Variants in NBEA observed in about 807,000 individuals in gnomAD.
The protein encoded by NBEA is lysosomal-trafficking regulator 2.
Under a neutral mutation model 343.4 loss-of-function variants are expected in NBEA, and 44 were observed. The ratio of observed to expected loss-of-function variants is 0.13; its 90% CI spans 0.10 to 0.16. The LOEUF (loss-of-function observed/expected upper bound fraction) is 0.16, where lower values mean the gene tolerates loss of function less well. Ranked by LOEUF, NBEA falls within the 10% of genes least tolerant of loss-of-function variation. The pLI, the probability that NBEA is intolerant of heterozygous loss-of-function variation, is 1.00. For synonymous variants in NBEA, 1,175 were observed against 1,238.7 expected (o/e 0.95, Z 1.08); for missense variants, 2,555 against 3,631.3 (o/e 0.70, Z 7.62).
intron 41 of NBEA, among the ~76,000 whole-genome samples, chr13:35,511,664 A>C (rs2077280656): frequency 1.3e-5 from 2 of 152,184 alleles, no homozygotes; most frequent in South Asian, 4.1e-4. Flanking sequence ...AGTCAAATAT[A>C]CTGCTATTAG....
rs539762465 is a variant in NBEA at position 35,099,079 on chromosome 13, G to A, written c.1680+674G>A. ...CTCACTCTGTCTCCCACAGTGGAGTGCAGTGGCATGATCTTGGCTCACTGC... is the reference window on the plus strand; with the variant it reads ...CTCACTCTGTCTCCCACAGTGGAGTACAGTGGCATGATCTTGGCTCACTGC... On this transcript the variant is annotated intron_variant, in intron 11 of 58. Coordinates refer to ENST00000379939, the MANE Select transcript of NBEA (RefSeq NM_001385012.1). Among the ~76,000 whole-genome samples, 6 of 146,748 alleles carry A rather than the reference G, an allele frequency of 4.1e-5. No homozygotes were observed. The South Asian group carries it at 1.3e-3, about 32-fold the overall frequency.
intron 1 of NBEA, among the ~76,000 whole-genome samples, chr13:34,992,238 G>GTGTATATATATATA (rs775136249): frequency 1.6e-5 from 2 of 122,146 alleles, no homozygotes; most frequent in Non-Finnish European, 3.3e-5. Flanking sequence ...GTGTGTGTGT[G>GTGTATATATATATA]TATATATATA....
chr13:35,172,816 G>A (rs969542677), intron 26 of NBEA, among the ~76,000 whole-genome samples: 1 of 152,000 alleles, frequency 6.6e-6, no homozygotes, highest in African/African-American at 2.4e-5. Context: ...CTCCAAACTG[G>A]AAAATACAGG....
intron 45 of NBEA, among the ~76,000 whole-genome samples, chr13:35,579,398 T>C (rs1200274222): frequency 6.6e-6 from 1 of 152,128 alleles, no homozygotes; most frequent in Non-Finnish European, 1.5e-5. Context: ...TTTGTGGTCA[T>C]TTTTACTTAC....
chr13:35,074,508 C>G (rs2152582305), intron 10 of NBEA, among the ~76,000 whole-genome samples: 1 of 152,168 alleles, frequency 6.6e-6, no homozygotes, highest in African/African-American at 2.4e-5. Context: ...AGAATAGTTT[C>G]ATTAGAAACC....
rs960907943 is a variant in NBEA at position 35,508,406 on chromosome 13, G to A, written c.6585+35870G>A. On this transcript the variant is annotated intron_variant, in intron 41 of 58. Transcript: ENST00000379939. Reference sequence around the variant, plus strand: ...AGGTACTATTAAGGTATTTCAAGCAGATTTACTTTTCTAATTAATGATTAC... The same window carrying A: ...AGGTACTATTAAGGTATTTCAAGCAAATTTACTTTTCTAATTAATGATTAC... Among the ~76,000 whole-genome samples, 3 of 152,150 alleles carry A rather than the reference G, an allele frequency of 2.0e-5. No homozygotes were observed. The South Asian group carries it at 6.2e-4, about 31-fold the overall frequency.
At chr13:35,481,993 T>C (rs2076137195) in intron 41 of NBEA, among the ~76,000 whole-genome samples, 1 of 151,848 alleles carries the variant, frequency 6.6e-6, no homozygotes, top group African/African-American at 2.4e-5. Flanking sequence ...TGTTTCATAC[T>C]GTATGTGATT....
chr13:35,584,673 TA>T (rs2081210559), intron 46 of NBEA, among the ~76,000 whole-genome samples: 1 of 151,970 alleles, frequency 6.6e-6, no homozygotes, highest in Non-Finnish European at 1.5e-5. Context: ...CTAATTTTTG[TA>T]TTTTTAGTAG....
intron 18 of NBEA, among the ~76,000 whole-genome samples, chr13:35,148,907 G>T (rs2068600598): frequency 1.3e-5 from 2 of 152,176 alleles, no homozygotes; most frequent in African/African-American, 2.4e-5. Flanking sequence ...GAAACAGGTG[G>T]CAGGCTAGAT....
intron 1 of NBEA, among the ~76,000 whole-genome samples, chr13:35,025,617 T>A (rs1413534165): frequency 6.6e-6 from 1 of 152,066 alleles, no homozygotes. Flanking sequence ...CTTCTTTTTT[T>A]AATGCCTGTG....
At chr13:34,955,658 T>C (rs2059467969) in intron 1 of NBEA, among the ~76,000 whole-genome samples, 1 of 152,208 alleles carries the variant, frequency 6.6e-6, no homozygotes, top group South Asian at 2.1e-4. Context: ...AACTATAGAC[T>C]ACAGTAAATT....
At chr13:35,256,451 A>G (rs955871809) in intron 34 of NBEA, among the ~76,000 whole-genome samples, 15 of 152,178 alleles carry the variant, frequency 9.9e-5, no homozygotes, top group African/African-American at 2.9e-4. Context: ...ACTGCAGACT[A>G]TACCCAGAAC....
rs187352710 is a variant in NBEA at position 35,566,915 on chromosome 13, T to C, written c.6933T>C (p.Tyr2311=). 50 of 1,598,732 alleles carry C rather than the reference T, an allele frequency of 3.1e-5. No homozygotes were observed. The highest frequency in any genetic ancestry group is 2.2e-5 in the East Asian group (1 of 44,676). Residue 2311 remains tyrosine, a synonymous_variant, in exon 45 of 59, where the codon TAT becomes TAC. Coordinates refer to ENST00000379939, the MANE Select transcript of NBEA (RefSeq NM_001385012.1). ...GTTTTTCTTTACTAGGACGGACATA[T>C]AATGATCTGAACCAATATCCAGTGT... ...MFLNTIAGRT[Y]NDLNQYPVFP...
intron 49 of NBEA, among the ~76,000 whole-genome samples, chr13:35,645,496 T>A (rs1004467824): frequency 3.3e-5 from 5 of 152,286 alleles, no homozygotes; most frequent in Middle Eastern, 3.4e-3. Context: ...GTTTGAGGGC[T>A]AAAATTATTT....
At chr13:35,201,793 A>C (rs902343162) in intron 31 of NBEA, among the ~76,000 whole-genome samples, 1 of 152,086 alleles carries the variant, frequency 6.6e-6, no homozygotes, top group Non-Finnish European at 1.5e-5. Context: ...CTTGGCTAAA[A>C]GATTTGAATC....
intron 41 of NBEA, among the ~76,000 whole-genome samples, chr13:35,495,001 A>G (rs2076626344): frequency 6.6e-6 from 1 of 151,652 alleles, no homozygotes; most frequent in South Asian, 2.1e-4. Flanking sequence ...ACAGAGTGAG[A>G]CTCTGTCAAA....
chr13:35,122,242 A>C (rs557758006), intron 16 of NBEA, among the ~76,000 whole-genome samples: 1 of 152,302 alleles, frequency 6.6e-6, no homozygotes, highest in South Asian at 2.1e-4. Flanking sequence ...AGGATTATAA[A>C]TCATGCTGCT....
intron 23 of NBEA, among the ~76,000 whole-genome samples, chr13:35,162,950 T>C (rs1593566381): frequency 6.6e-6 from 1 of 152,180 alleles, no homozygotes; most frequent in East Asian, 1.9e-4. Context: ...TCATATACTT[T>C]CATTGCTAAT....
chr13:35,098,471 T>G lies in NBEA; in HGVS notation c.1680+66T>G, dbSNP rs544697962. 72 of 1,201,662 alleles carry G rather than the reference T, an allele frequency of 6.0e-5. 1 individual carries two copies. In the Middle Eastern group the frequency reaches 5.5e-3, roughly 92 times the overall value. The allele number at this position is 1,201,662 out of a possible 1,614,324, so 74.4% of individuals were successfully genotyped here. On this transcript the variant is annotated intron_variant, in intron 11 of 58. Coordinates refer to ENST00000379939, the MANE Select transcript of NBEA (RefSeq NM_001385012.1). ...AGTTGGACAGCTGTTAATCACTAAT[T>G]TTTTTTTCTGTAATTTCACTTTCCA...
Sources: allele counts gnomAD v4.1 joint callset (sites outside exome capture counted in the v4.1 genomes callset), GRCh38; gene constraint gnomAD v4.1.1; transcripts MANE v1.5; gene names NCBI Gene and HGNC (gene_info 2026-07-23, HGNC 2026-07-21).